Variants in NKD1 observed in about 807,000 individuals in gnomAD.
NKD1 encodes the protein NKD inhibitor of Wnt signaling pathway 1.
Under a neutral mutation model 56.0 loss-of-function variants are expected in NKD1, and 21 were observed. That is an observed-to-expected ratio of 0.38 (90% confidence interval 0.27 to 0.54). The LOEUF (loss-of-function observed/expected upper bound fraction) is 0.54, where lower values mean the gene tolerates loss of function less well. Ranked by LOEUF, NKD1 falls within the 20% of genes least tolerant of loss-of-function variation. The pLI, the probability that NKD1 is intolerant of heterozygous loss-of-function variation, is 0.82. For missense variants in NKD1, 578 were observed against 642.7 expected (o/e 0.90, Z 1.09); for synonymous variants, 263 against 265.7 (o/e 0.99, Z 0.10).
chr16:50,613,022 G>C (rs1277460476), intron 4 of NKD1, among the ~76,000 whole-genome samples: 2 of 152,108 alleles, frequency 1.3e-5, no homozygotes, highest in African/African-American at 4.8e-5. Flanking sequence ...GAGGTCCATG[G>C]GGCTGGAGGT....
chr16:50,602,223 C>T (rs549578133), intron 3 of NKD1, among the ~76,000 whole-genome samples: 4 of 152,278 alleles, frequency 2.6e-5, no homozygotes, highest in South Asian at 2.1e-4. Flanking sequence ...AGACATAGAA[C>T]TTGAGGCCCA....
intron 3 of NKD1, chr16:50,551,703 T>G (rs922066854): frequency 6.6e-6 from 1 of 152,058 alleles, no homozygotes; most frequent in African/African-American, 2.4e-5. Flanking sequence ...GGGGAACATT[T>G]TAAATCTTAA....
chr16:50,612,459 G>A (rs1961867646), intron 4 of NKD1, among the ~76,000 whole-genome samples: 3 of 152,218 alleles, frequency 2.0e-5, no homozygotes, highest in Admixed American at 6.5e-5. Flanking sequence ...CTGGGCCCTG[G>A]GTTCACAGGC....
chr16:50,587,031 T>G (rs539812417), intron 3 of NKD1, among the ~76,000 whole-genome samples: 4 of 152,318 alleles, frequency 2.6e-5, no homozygotes, highest in Admixed American at 1.3e-4. Flanking sequence ...CCCTTCACCA[T>G]TATGCCATCA....
In NKD1 at chr16:50,633,874, GATT is replaced by G. The variant is rs1396496480; in HGVS notation, c.*97_*99del. ...TTCTATTAATTATTGTTATTATGAT[GATT>G]ATTGTTATTAATAATTATTGTTACT... is the stretch of plus-strand genomic sequence containing the variant. On this transcript the variant is annotated 3_prime_UTR_variant, in exon 10 of 10. Coordinates refer to ENST00000268459, the MANE Select transcript of NKD1 (RefSeq NM_033119.5). This position sits in a 1 kb window ranked among gnomAD's most constrained non-coding sequence, Gnocchi z 4.9. The G allele has an allele frequency of 6.4e-5, 39 of 610,608 alleles. No homozygotes were observed. Among genetic ancestry groups the G allele is most frequent in the Admixed American group, 5.5e-4 (15 of 27,306 alleles). The allele number at this position is 610,608 out of a possible 1,614,324, so 37.8% of individuals were successfully genotyped here.
intron 6 of NKD1, among the ~76,000 whole-genome samples, chr16:50,627,656 G>A (rs1162580117): frequency 2.0e-5 from 3 of 152,366 alleles, no homozygotes; most frequent in South Asian, 2.1e-4. Context: ...GAGCTGGGGT[G>A]TGGGCCAGCT....
At position 50,630,257 on chromosome 16, in the gene NKD1, C is replaced by G. The variant is rs374062448; in HGVS notation, c.534C>G (p.Ser178Arg). The G allele has an allele frequency of 1.4e-5, 22 of 1,614,034 alleles. No individual in the cohort carries two copies. The Admixed American group carries it at 3.0e-4, about 22-fold the overall frequency. ...CTGTCAACCACTCCCCAACATCCAG[C>G]AAGATGCTGCGGGTAAAGCTCACCG... ...DSSVNHSPTS[S>R]KMLRVKLTVA... Residue 178 changes from serine to arginine, a missense_variant, in exon 7 of 10, where the codon AGC (serine) becomes AGG (arginine). By Grantham distance (110) the Ser-to-Arg change is moderately radical. Transcript: ENST00000268459.
At chr16:50,620,715 A>G (rs1219541103) in intron 4 of NKD1, among the ~76,000 whole-genome samples, 1 of 152,180 alleles carries the variant, frequency 6.6e-6, no homozygotes, top group East Asian at 1.9e-4. Flanking sequence ...GGACATTCCA[A>G]GAATTGATGG....
In NKD1 at chr16:50,623,950, G is replaced by A. The variant is rs572516553; in HGVS notation, c.367-1535G>A. ...TGAGGGCCCTTGGCAGTTATCAAAC[G>A]GGTGTGGCTGAAGCAAGGTTGGCTT... On this transcript the variant is annotated intron_variant, in intron 5 of 9. Transcript: ENST00000268459. The surrounding 1 kb of genome is among the most constrained non-coding windows in gnomAD (Gnocchi z 4.1). Among the ~76,000 whole-genome samples, 11 of 152,194 alleles carry A rather than the reference G, an allele frequency of 7.2e-5. No individual in the cohort carries two copies. Among genetic ancestry groups the A allele is most frequent in the Middle Eastern group, 6.8e-3 (2 of 294 alleles).
chr16:50,575,349 C>A (rs1388791537), intron 3 of NKD1: 1 of 985,152 alleles, frequency 1.0e-6, no homozygotes, highest in African/African-American at 1.7e-5. Flanking sequence ...TAGGCCAGAG[C>A]CGGCTTAGGG....
At chr16:50,630,724 C>T (rs1962325507) in intron 7 of NKD1, 102 bp from the exon 8 acceptor site, 1 of 1,004,112 alleles carries the variant, frequency 1.0e-6, no homozygotes, top group Non-Finnish European at 1.4e-6. Flanking sequence ...AGGGAACCCT[C>T]CCACAGTGGC....
chr16:50,575,422 TTG>T (rs1567338369), intron 3 of NKD1: 1 of 848,272 alleles, frequency 1.2e-6, no homozygotes, highest in Non-Finnish European at 1.4e-6. Flanking sequence ...ACAAATGGGG[TTG>T]TCTGTGTTCC....
In NKD1 at chr16:50,649,243, A is replaced by T. The variant is rs1313438542; in HGVS notation, c.*15462A>T. 1 of 152,198 alleles carries T rather than the reference A, an allele frequency of 6.6e-6. No homozygotes were observed. The highest frequency in any genetic ancestry group is 2.4e-5 in the African/African-American group (1 of 41,454). The allele number at this position is 152,198 out of a possible 1,614,324, so 9.4% of individuals were successfully genotyped here. ...AATTATTTCAAAATAAAAAAATTTTAAAAATAGTGGCGTTGCTCAGATCTC... is the reference window on the plus strand; with the variant it reads ...AATTATTTCAAAATAAAAAAATTTTTAAAATAGTGGCGTTGCTCAGATCTC... On this transcript the variant is annotated 3_prime_UTR_variant, in exon 10 of 10. Coordinates refer to ENST00000268459, the MANE Select transcript of NKD1 (RefSeq NM_033119.5).
intron 3 of NKD1, among the ~76,000 whole-genome samples, chr16:50,570,539 G>A (rs991587897): frequency 1.3e-5 from 2 of 152,312 alleles, no homozygotes; most frequent in African/African-American, 4.8e-5. Flanking sequence ...GTGACCTTTG[G>A]GCGAGTGCCT....
intron 3 of NKD1, 132 bp from the exon 4 acceptor site, chr16:50,608,162 A>G (rs1206284438): frequency 2.7e-6 from 2 of 742,890 alleles, no homozygotes; most frequent in South Asian, 1.4e-5. Context: ...TTCAGGTGCA[A>G]TAGGATCTGC....
At chr16:50,568,007 C>A (rs117886119) in intron 3 of NKD1, among the ~76,000 whole-genome samples, 1 of 152,196 alleles carries the variant, frequency 6.6e-6, no homozygotes, top group African/African-American at 2.4e-5. Flanking sequence ...TGCTTTATGG[C>A]GAGAGCCAGT....
At chr16:50,630,663 G>A (rs1171464027) in intron 7 of NKD1, among the ~76,000 whole-genome samples, 163 bp from the exon 8 acceptor site, 1 of 152,148 alleles carries the variant, frequency 6.6e-6, no homozygotes, top group Admixed American at 6.5e-5. Flanking sequence ...GGCTAGATGG[G>A]GATGTGTCCA....
At chr16:50,564,214 C>T (rs1192861992) in intron 3 of NKD1, among the ~76,000 whole-genome samples, 1 of 152,264 alleles carries the variant, frequency 6.6e-6, no homozygotes, top group Non-Finnish European at 1.5e-5. Context: ...CATGGTCTTC[C>T]TTCTAGATGG....
rs1047799634 is a variant in NKD1, at chr16:50,640,547, T to G, written c.*6766T>G. The G allele has an allele frequency of 6.6e-6, 1 of 152,148 alleles. No individual in the cohort carries two copies. The highest frequency in any genetic ancestry group is 1.5e-5 in the Non-Finnish European group (1 of 68,016). The allele number at this position is 152,148 out of a possible 1,614,324, so 9.4% of individuals were successfully genotyped here. A position where few individuals can be genotyped will look rare whatever the true frequency, so the allele number is the denominator to read the frequency against. ...GGCAGGGACTTCTTAGATAGCTGCT[T>G]CCTTAGGGCATGGCATGTAGTGGGT... On this transcript the variant is annotated 3_prime_UTR_variant, in exon 10 of 10. Coordinates refer to ENST00000268459, the MANE Select transcript of NKD1 (RefSeq NM_033119.5).
Sources: gnomAD v4.1 joint callset for allele counts (sites outside exome capture counted in the v4.1 genomes callset) on GRCh38, gnomAD v4.1.1 for gene constraint, Gnocchi (gnomAD v3.1) non-coding constraint, MANE v1.5 for transcripts, NCBI Gene and HGNC (gene_info 2026-07-23, HGNC 2026-07-21) for gene names.